CMC1: variants seen among roughly 807,000 people sequenced by gnomAD.
CMC1 encodes COX assembly mitochondrial protein homolog.
Under a neutral mutation model 14.1 loss-of-function variants are expected in CMC1, and 14 were observed. The observed-to-expected ratio is 0.99, with a 90% CI of 0.66 to 1.55. The LOEUF (loss-of-function observed/expected upper bound fraction) is 1.55, where lower values mean the gene tolerates loss of function less well. CMC1 is among the 40% of genes most tolerant of loss of function. The probability of loss-of-function intolerance (pLI) is 0.00; values close to 1 mark genes in which losing one functional copy is unlikely to be tolerated. For synonymous variants in CMC1, 50 were observed against 38.4 expected, an observed-to-expected ratio of 1.30 and a Z score of -1.12; for missense variants, 127 against 123.8, an observed-to-expected ratio of 1.03 and a Z score of -0.12.
chr3:28,256,501 G>A (rs940846137), intron 1 of CMC1, among the ~76,000 whole-genome samples: 3 of 152,076 alleles, frequency 2.0e-5, no homozygotes, highest in Non-Finnish European at 4.4e-5. Flanking sequence ...TAATGTTTGC[G>A]TGAATAACTG....
intron 2 of CMC1, among the ~76,000 whole-genome samples, chr3:28,303,721 A>G (rs1702171597): frequency 6.6e-6 from 1 of 152,154 alleles, no homozygotes; most frequent in Non-Finnish European, 1.5e-5. Context: ...CACTCCTTCA[A>G]TTAATTCACT....
intron 1 of CMC1, among the ~76,000 whole-genome samples, chr3:28,256,255 ATG>A (rs1699403194): frequency 6.6e-6 from 1 of 151,998 alleles, no homozygotes; most frequent in Admixed American, 6.6e-5. Context: ...AAATTGGTTT[ATG>A]TGATTGTAGG....
chr3:28,286,769 A>G (rs1314667350), intron 2 of CMC1, among the ~76,000 whole-genome samples: 1 of 152,208 alleles, frequency 6.6e-6, no homozygotes, highest in Non-Finnish European at 1.5e-5. Context: ...TGAAGTAAAG[A>G]TTGAAGCTCA....
At chr3:28,303,169 A>C (rs556664193) in intron 2 of CMC1, among the ~76,000 whole-genome samples, 2 of 152,352 alleles carry the variant, frequency 1.3e-5, no homozygotes, top group South Asian at 4.1e-4. Context: ...CCTGGTACAG[A>C]GTAAACACTC....
At chr3:28,272,545 C>T (rs1199805427) in intron 2 of CMC1, among the ~76,000 whole-genome samples, 1 of 152,128 alleles carries the variant, frequency 6.6e-6, no homozygotes, top group Non-Finnish European at 1.5e-5. Flanking sequence ...TGTGTTGAAC[C>T]AGCCTTGCAT....
Position 28,324,577 on chromosome 3 carries a change from A to C in CMC1, c.*4948A>C, listed in dbSNP as rs954312117. ...AAATTAAGATTTCCAAGTTAGTGTG[A>C]TCATTGAGGCACTGTGACTAGGAGA... On this transcript the variant is annotated 3_prime_UTR_variant, in exon 4 of 4. Coordinates refer to ENST00000466830, the MANE Select transcript of CMC1 (RefSeq NM_182523.2). 1.2e-6 allele frequency: 1 copy of C among 860,438 alleles called. No homozygotes were observed. The highest frequency in any genetic ancestry group is 1.6e-6 in the Non-Finnish European group (1 of 616,040). 53.3% of individuals were successfully genotyped at this position (860,438 alleles called of 1,614,324 possible). A position where few individuals can be genotyped will look rare whatever the true frequency, so the allele number is the denominator to read the frequency against.
intron 2 of CMC1, among the ~76,000 whole-genome samples, chr3:28,266,421 A>G (rs994636198): frequency 1.3e-5 from 2 of 152,146 alleles, no homozygotes; most frequent in African/African-American, 4.8e-5. Flanking sequence ...TAGTGTTCAT[A>G]TTATTTAAAT....
chr3:28,294,527 G>C (rs1701644313), intron 2 of CMC1: 7 of 826,480 alleles, frequency 8.5e-6, no homozygotes, highest in Admixed American at 6.2e-5. Context: ...TACATAAATA[G>C]TAGTGAGTAC....
chr3:28,283,551 C>CAAAAAAAAAA (rs5847510), intron 2 of CMC1, among the ~76,000 whole-genome samples: 28 of 118,150 alleles, frequency 2.4e-4, no homozygotes, highest in South Asian at 2.9e-4. Flanking sequence ...ACAACAAAAA[C>CAAAAAAAAAA]AAAAAAAAAA....
At chr3:28,252,933 G>A (rs149604677) in intron 1 of CMC1, among the ~76,000 whole-genome samples, 203 of 152,234 alleles carry the variant, frequency 1.3e-3, no homozygotes, top group African/African-American at 4.5e-3. Flanking sequence ...GGAGCATTGC[G>A]GGGAAGAAAA....
At position 28,267,449 on chromosome 3, in the gene CMC1, G is replaced by C. The variant is rs1181035188; in HGVS notation, c.109+4069G>C. On this transcript the variant is annotated intron_variant, in intron 2 of 3. Coordinates refer to ENST00000466830, the MANE Select transcript of CMC1 (RefSeq NM_182523.2). ...AGTATTTTGTCATCAGGGATGGGCT[G>C]GAACTTTCTTTAACCTAGCTGTATT... is the stretch of plus-strand genomic sequence containing the variant. 2.0e-5 allele frequency among the ~76,000 whole-genome samples: 3 copies of C among 152,104 alleles called. No individual in the cohort carries two copies. In the East Asian group the frequency reaches 5.8e-4, roughly 29 times the overall value.
At chr3:28,247,824 T>G (rs1205132154) in intron 1 of CMC1, among the ~76,000 whole-genome samples, 2 of 152,124 alleles carry the variant, frequency 1.3e-5, no homozygotes, top group Non-Finnish European at 1.5e-5. Context: ...AACACTGGCT[T>G]AAGATATACC....
chr3:28,294,415 T>G (rs1701639495), intron 2 of CMC1: 2 of 800,082 alleles, frequency 2.5e-6, no homozygotes, highest in South Asian at 1.1e-4. Context: ...GAAATAAATT[T>G]TTCTCTTTTA....
rs1382610209 is a variant in CMC1, at chr3:28,319,436, G to C, written c.201-73G>C. ...TGATGAACCAGATGTCTGAATATTA[G>C]TAATTAAAGTAAGCTTACATTTAAC... On this transcript the variant is annotated intron_variant, in intron 3 of 3. Coordinates refer to ENST00000466830, the MANE Select transcript of CMC1 (RefSeq NM_182523.2). The C allele has an allele frequency of 1.4e-5, 18 of 1,276,240 alleles. No homozygotes were observed. The East Asian group carries it at 3.5e-4, about 25-fold the overall frequency. 79.1% of individuals were successfully genotyped at this position (1,276,240 alleles called of 1,614,324 possible). A position where few individuals can be genotyped will look rare whatever the true frequency, so the allele number is the denominator to read the frequency against.
chr3:28,248,255 C>G (rs1329938763), intron 1 of CMC1, among the ~76,000 whole-genome samples: 1 of 152,058 alleles, frequency 6.6e-6, no homozygotes, highest in African/African-American at 2.4e-5. Flanking sequence ...ATGAATCCAC[C>G]TCTTTAAATT....
Position 28,270,881 on chromosome 3 carries a change from G to A in CMC1, c.109+7501G>A, listed in dbSNP as rs1700242505. 3.6e-5 allele frequency among the ~76,000 whole-genome samples: 5 copies of A among 140,422 alleles called. No homozygotes were observed. In the South Asian group the frequency reaches 9.1e-4, roughly 26 times the overall value. 92.1% of individuals were successfully genotyped at this position (140,422 alleles called of 152,430 possible). On this transcript the variant is annotated intron_variant, in intron 2 of 3. Coordinates refer to ENST00000466830, the MANE Select transcript of CMC1 (RefSeq NM_182523.2). ...ATTTTCTTCTAGTGTATAGTTTTGG[G>A]TTTTACATTTATGTCTTTAATTCAT...
intron 2 of CMC1, among the ~76,000 whole-genome samples, chr3:28,273,677 T>G (rs1292683328): frequency 6.6e-6 from 1 of 152,194 alleles, no homozygotes; most frequent in East Asian, 1.9e-4. Flanking sequence ...GTCTCGATGA[T>G]CTGTCTGATA....
At chr3:28,253,866 C>A in intron 1 of CMC1, 2 of 485,432 alleles carry the variant, frequency 4.1e-6, no homozygotes, top group South Asian at 3.4e-5. Context: ...GCATAACTTG[C>A]CCTTCATATA....
chr3:28,271,581 A>G (rs1700293739), intron 2 of CMC1, among the ~76,000 whole-genome samples: 1 of 152,158 alleles, frequency 6.6e-6, no homozygotes, highest in Non-Finnish European at 1.5e-5. Context: ...TTGTACCAGA[A>G]CCATGCTGTT....
Sources: gnomAD v4.1 joint callset for allele counts (sites outside exome capture counted in the v4.1 genomes callset) on GRCh38, gnomAD v4.1.1 for gene constraint, MANE v1.5 for transcripts, NCBI Gene and HGNC (gene_info 2026-07-23, HGNC 2026-07-21) for gene names.